Variants in PHKA2 observed in about 807,000 individuals in gnomAD.
PHKA2 encodes the protein phosphorylase kinase regulatory subunit alpha 2.
In PHKA2, 31 loss-of-function variants were observed where a neutral mutation model predicts 102.0. The ratio of observed to expected loss-of-function variants is 0.30; its 90% confidence interval spans 0.23 to 0.41. The LOEUF (loss-of-function observed/expected upper bound fraction) is 0.41, where lower values mean the gene tolerates loss of function less well. Among genes scored for constraint, PHKA2 ranks in the 10% least tolerant of loss-of-function variants. The pLI is 1.00. For missense variants in PHKA2, 858 were observed against 1,023.1 expected, an observed-to-expected ratio of 0.84 and a Z score of 2.20; for synonymous variants, 455 against 416.2, an observed-to-expected ratio of 1.09 and a Z score of -1.13.
intron 19 of PHKA2, among the ~76,000 whole-genome samples, chrX:18,918,428 A>C (rs1185187874): frequency 8.9e-6 from 1 of 112,214 alleles, no homozygotes; most frequent in East Asian, 2.8e-4. Context: ...TTACCCACTT[A>C]ATCGAAAGTC....
intron 1 of PHKA2, among the ~76,000 whole-genome samples, chrX:18,958,204 C>A (rs1041250754): frequency 9.0e-6 from 1 of 111,503 alleles, no homozygotes; most frequent in African/African-American, 3.3e-5. Context: ...TCATATGATA[C>A]ACACTGCTGC....
intron 8 of PHKA2, among the ~76,000 whole-genome samples, chrX:18,940,751 C>A (rs1475285505): frequency 1.8e-5 from 2 of 111,928 alleles, no homozygotes; most frequent in Non-Finnish European, 3.8e-5. Context: ...GAGGCAACCA[C>A]GTCCCTAGCC....
Position 18,897,556 on chromosome X carries a change from C to G in PHKA2, c.3112-223G>C, listed in dbSNP as rs761046121. 1.5e-3 allele frequency: 623 copies of G among 421,474 alleles called. 5 individuals carry two copies. Among genetic ancestry groups the G allele is most frequent in the African/African-American group, 0.013 (541 of 40,127 alleles). The allele number at this position is 421,474 out of a possible 1,213,427, so 34.7% of individuals were successfully genotyped here. ...TTCCATGTTGCACTCTGCCCTGCCCCCCGAGAGGCAGTCCCACCCCCAAAG... is the reference window on the plus strand; with the variant it reads ...TTCCATGTTGCACTCTGCCCTGCCCGCCGAGAGGCAGTCCCACCCCCAAAG... On this transcript the variant is annotated intron_variant, in intron 29 of 32. Coordinates refer to ENST00000379942, the MANE Select transcript of PHKA2 (RefSeq NM_000292.3).
intron 1 of PHKA2, among the ~76,000 whole-genome samples, chrX:18,976,556 TGA>T (rs963417173): frequency 3.6e-5 from 4 of 110,749 alleles, no homozygotes; most frequent in African/African-American, 6.6e-5. Flanking sequence ...TAAAATATTT[TGA>T]GAGAGAGAGA....
intron 26 of PHKA2, among the ~76,000 whole-genome samples, chrX:18,903,959 C>G (rs1222959710): frequency 8.9e-6 from 1 of 111,998 alleles, no homozygotes; most frequent in African/African-American, 3.2e-5. Flanking sequence ...AACTCCCGGC[C>G]ACCTGCACCG....
intron 7 of PHKA2, among the ~76,000 whole-genome samples, chrX:18,942,135 A>G (rs1239487994): frequency 8.9e-6 from 1 of 112,196 alleles, no homozygotes; most frequent in Non-Finnish European, 1.9e-5. Flanking sequence ...CACTTAAAGG[A>G]GGAGTCAAAT....
Position 18,893,283 on chromosome X carries a change from G to T in PHKA2, c.*202C>A. The T allele has an allele frequency of 2.1e-6, 1 of 467,289 alleles. No homozygotes were observed. Among genetic ancestry groups the T allele is most frequent in the Non-Finnish European group, 3.8e-6 (1 of 264,606 alleles). The allele number at this position is 467,289 out of a possible 1,213,427, so 38.5% of individuals were successfully genotyped here. A position where few individuals can be genotyped will look rare whatever the true frequency, so the allele number is the denominator to read the frequency against. ...ATGATCCCGGGGTGCTCCTTGCGGGGGAACACAGGACTCCTCAGCTCTATC... is the reference window on the plus strand; with the variant it reads ...ATGATCCCGGGGTGCTCCTTGCGGGTGAACACAGGACTCCTCAGCTCTATC... On this transcript the variant is annotated 3_prime_UTR_variant, in exon 33 of 33. Transcript: ENST00000379942.
chrX:18,939,081 G>A (rs1257840690), intron 9 of PHKA2, among the ~76,000 whole-genome samples: 2 of 112,641 alleles, frequency 1.8e-5, no homozygotes, highest in African/African-American at 6.4e-5. Flanking sequence ...GAAACCCGAG[G>A]AGGAGGCCAC....
chrX:18,965,658 T>G (rs2148018606), intron 1 of PHKA2, among the ~76,000 whole-genome samples: 1 of 110,147 alleles, frequency 9.1e-6, no homozygotes, highest in Non-Finnish European at 1.9e-5. Flanking sequence ...TGTGCGAGCG[T>G]TTTTTCTAAG....
At chrX:18,948,677 C>T (rs1006926448) in intron 5 of PHKA2, 67 bp downstream of exon 5, 1 of 765,506 alleles carries the variant, frequency 1.3e-6, no homozygotes, top group Non-Finnish European at 2.0e-6. Context: ...GCCCTCAAAA[C>T]ACTGTATGAT....
intron 1 of PHKA2, among the ~76,000 whole-genome samples, chrX:18,978,049 C>T (rs1261479437): frequency 1.8e-5 from 2 of 110,774 alleles, no homozygotes; most frequent in Non-Finnish European, 3.8e-5. Context: ...CCCAGGTACT[C>T]GGGAGGCTGA....
intron 1 of PHKA2, among the ~76,000 whole-genome samples, chrX:18,958,800 C>A (rs1436821345): frequency 9.0e-6 from 1 of 110,739 alleles, no homozygotes; most frequent in African/African-American, 3.3e-5. Flanking sequence ...ACCTCTGTCT[C>A]GGGGATTCAA....
At chrX:18,978,938 A>C (rs998995769) in intron 1 of PHKA2, among the ~76,000 whole-genome samples, 2 of 109,756 alleles carry the variant, frequency 1.8e-5, no homozygotes, top group Non-Finnish European at 3.8e-5. Flanking sequence ...TCAGGAGTTC[A>C]AGACCAGCCT....
chrX:18,979,306 C>A (rs2049137700), intron 1 of PHKA2, among the ~76,000 whole-genome samples: 1 of 110,704 alleles, frequency 9.0e-6, no homozygotes, highest in Non-Finnish European at 1.9e-5. Context: ...TTATTTATTC[C>A]ATTCTTCTCA....
chrX:18,956,809 G>A (rs1364982420), intron 1 of PHKA2, among the ~76,000 whole-genome samples: 2 of 113,120 alleles, frequency 1.8e-5, no homozygotes, highest in Admixed American at 1.9e-4. Context: ...TGTGTTGGAA[G>A]AAGATGGGGG....
rs778407924 is a variant in PHKA2 at position 18,894,263 on chromosome X, C to T, written c.3478G>A (p.Gly1160Ser). 1.7e-6 allele frequency: 2 copies of T among 1,211,789 alleles called. No homozygotes were observed. The highest frequency in any genetic ancestry group is 2.2e-6 in the Non-Finnish European group (2 of 895,471). Residue 1160 changes from glycine to serine, a missense_variant, in exon 32 of 33, where the codon GGC becomes AGC. Physicochemically the swap from Gly to Ser is moderately conservative, Grantham distance 56 (BLOSUM62 0). Transcript: ENST00000379942. ...LSDTEMTSIG[G>S]IIHVDQIVQM... ...ACGATCTGGTCCACGTGGATGATGC[C>T]CCCGATGCTGGTCATCTCCGTGTCC...
chrX:18,902,949 A>G (rs553404913), intron 26 of PHKA2: 1 of 111,703 alleles, frequency 9.0e-6, no homozygotes, highest in East Asian at 2.8e-4. Context: ...ACAAAAATTT[A>G]AAAAAAACCC....
intron 10 of PHKA2, among the ~76,000 whole-genome samples, chrX:18,937,581 T>C (rs777590914): frequency 1.6e-4 from 18 of 110,732 alleles, no homozygotes; most frequent in Non-Finnish European, 1.1e-4. Context: ...GGAGGGGCAA[T>C]TGGGGAAGAA....
intron 12 of PHKA2, among the ~76,000 whole-genome samples, chrX:18,929,538 C>T (rs1445842147): frequency 1.8e-5 from 2 of 112,157 alleles, no homozygotes; most frequent in Non-Finnish European, 3.8e-5. Context: ...GAATATGCCA[C>T]CATCTTGTAT....
Sources: gnomAD v4.1 joint callset for allele counts (sites outside exome capture counted in the v4.1 genomes callset) on GRCh38, gnomAD v4.1.1 for gene constraint, MANE v1.5 for transcripts, NCBI Gene and HGNC (gene_info 2026-07-23, HGNC 2026-07-21) for gene names.